PLPPR1: variants seen among roughly 807,000 people sequenced by gnomAD.
The protein encoded by PLPPR1 is phospholipid phosphatase-related protein type 1.
Under a neutral mutation model 33.1 loss-of-function variants are expected in PLPPR1, and 10 were observed. That is an observed-to-expected ratio of 0.30 (90% confidence interval 0.19 to 0.51). PLPPR1 has a LOEUF of 0.51. Ranked by LOEUF, PLPPR1 falls within the 20% of genes least tolerant of loss-of-function variation. The pLI is 0.97. For missense variants in PLPPR1, 304 were observed against 408.1 expected (o/e 0.74, Z 2.20); for synonymous variants, 151 against 151.0 (o/e 1.00, Z 0.00).
At chr9:101,174,480 G>T (rs1296605900) in intron 1 of PLPPR1, among the ~76,000 whole-genome samples, 4 of 152,142 alleles carry the variant, frequency 2.6e-5, no homozygotes, top group African/African-American at 9.7e-5. Flanking sequence ...TGGGCAGAAA[G>T]GCCCAGTAGG....
At chr9:101,039,963 A>G (rs1830057545) in intron 1 of PLPPR1, among the ~76,000 whole-genome samples, 1 of 152,154 alleles carries the variant, frequency 6.6e-6, no homozygotes, top group Non-Finnish European at 1.5e-5. Context: ...CCAGAAGTTG[A>G]AAATATGACT....
chr9:101,069,118 C>G (rs1830453580), intron 1 of PLPPR1, among the ~76,000 whole-genome samples: 1 of 132,978 alleles, frequency 7.5e-6, no homozygotes, highest in East Asian at 2.5e-4. Flanking sequence ...AGCAAGAAAA[C>G]AAACCAGCAT....
intron 1 of PLPPR1, among the ~76,000 whole-genome samples, chr9:101,150,617 TTAGCAAAACCTCTAAGTCA>T (rs1831570259): frequency 6.6e-6 from 1 of 152,206 alleles, no homozygotes; most frequent in Non-Finnish European, 1.5e-5. Flanking sequence ...GGTGTGGTTT[TTAGCAAAACCTCTAAGTCA>T]TAGTTGGTTA....
At chr9:101,267,995 A>G (rs1053116306) in intron 2 of PLPPR1, among the ~76,000 whole-genome samples, 7 of 152,142 alleles carry the variant, frequency 4.6e-5, no homozygotes, top group African/African-American at 1.7e-4. Context: ...TCAGCAAACT[A>G]TCGCCAGGAC....
intron 1 of PLPPR1, among the ~76,000 whole-genome samples, chr9:101,093,300 A>G (rs1319774991): frequency 6.6e-6 from 1 of 152,224 alleles, no homozygotes; most frequent in Non-Finnish European, 1.5e-5. Flanking sequence ...ACTCTCAGTT[A>G]TTAATAGGCT....
chr9:101,135,337 A>G (rs142800812), intron 1 of PLPPR1, among the ~76,000 whole-genome samples: 224 of 152,330 alleles, frequency 1.5e-3, no homozygotes, highest in African/African-American at 5.1e-3. Flanking sequence ...TATTAGAGTG[A>G]TGGCTTAGAA....
intron 1 of PLPPR1, among the ~76,000 whole-genome samples, chr9:101,112,830 CTTGT>C (rs529850574): frequency 1.3e-5 from 2 of 152,194 alleles, no homozygotes; most frequent in African/African-American, 4.8e-5. Context: ...GCAGCACTTG[CTTGT>C]TTGTTTGTTT....
intron 1 of PLPPR1, among the ~76,000 whole-genome samples, chr9:101,087,200 T>A (rs1284034056): frequency 4.1e-4 from 61 of 148,764 alleles, no homozygotes; most frequent in African/African-American, 1.4e-3. Flanking sequence ...AAAAATAAAA[T>A]AAAAATAAAA....
intron 1 of PLPPR1, among the ~76,000 whole-genome samples, chr9:101,044,576 A>G (rs1289430433): frequency 1.3e-5 from 2 of 152,200 alleles, no homozygotes; most frequent in East Asian, 3.9e-4. Flanking sequence ...AAATTTTAAA[A>G]TTCTGCACAA....
chr9:101,183,782 A>AG (rs1269777407), intron 1 of PLPPR1, among the ~76,000 whole-genome samples: 2 of 151,598 alleles, frequency 1.3e-5, no homozygotes, highest in African/African-American at 2.4e-5. Context: ...ATGAAAATAG[A>AG]GGGGAATTTT....
At chr9:101,244,135 C>T (rs1422829986) in intron 2 of PLPPR1, among the ~76,000 whole-genome samples, 1 of 151,688 alleles carries the variant, frequency 6.6e-6, no homozygotes, top group Admixed American at 6.6e-5. Context: ...CTGAAAAGTG[C>T]CTAATGAATT....
chr9:101,273,172 C>T (rs1828130093), intron 3 of PLPPR1, among the ~76,000 whole-genome samples: 1 of 152,084 alleles, frequency 6.6e-6, no homozygotes, highest in Non-Finnish European at 1.5e-5. Context: ...AGAATCTGAC[C>T]TCACAATTTT....
intron 1 of PLPPR1, among the ~76,000 whole-genome samples, chr9:101,184,297 T>A (rs1826168040): frequency 6.6e-6 from 1 of 151,838 alleles, no homozygotes; most frequent in South Asian, 2.1e-4. Context: ...GAGAAACTTT[T>A]AATTGACAAG....
At chr9:101,253,854 G>T (rs550142524) in intron 2 of PLPPR1, among the ~76,000 whole-genome samples, 71 of 152,136 alleles carry the variant, frequency 4.7e-4, no homozygotes, top group African/African-American at 1.7e-3. Context: ...TTTATTATAT[G>T]CCCTTAAATA....
intron 1 of PLPPR1, among the ~76,000 whole-genome samples, chr9:101,137,790 G>A (rs1831395314): frequency 6.6e-6 from 1 of 152,182 alleles, no homozygotes; most frequent in African/African-American, 2.4e-5. Flanking sequence ...TTTCCATAAT[G>A]TATTAGGGTT....
intron 2 of PLPPR1, among the ~76,000 whole-genome samples, chr9:101,236,844 C>G (rs996194888): frequency 5.3e-5 from 8 of 151,772 alleles, no homozygotes; most frequent in East Asian, 1.9e-4. Flanking sequence ...ACAAATAGGA[C>G]TTAATTAAAC....
At chr9:101,176,652 T>C (rs1287310097) in intron 1 of PLPPR1, among the ~76,000 whole-genome samples, 1 of 151,936 alleles carries the variant, frequency 6.6e-6, no homozygotes, top group Admixed American at 6.6e-5. Context: ...TCTCTACCCA[T>C]GTATAATAGG....
At chr9:101,078,990 T>C (rs1282944743) in intron 1 of PLPPR1, among the ~76,000 whole-genome samples, 3 of 152,222 alleles carry the variant, frequency 2.0e-5, no homozygotes, top group Admixed American at 6.5e-5. Context: ...TATTTAAAAA[T>C]AGTGTTTTGA....
At chr9:101,158,299 T>A (rs1831723453) in intron 1 of PLPPR1, among the ~76,000 whole-genome samples, 1 of 151,926 alleles carries the variant, frequency 6.6e-6, no homozygotes, top group Admixed American at 6.6e-5. Context: ...TGGAAAGAGA[T>A]GAGAGAGGGT....
Sources: allele counts gnomAD v4.1 joint callset (sites outside exome capture counted in the v4.1 genomes callset), GRCh38; gene constraint gnomAD v4.1.1; transcripts MANE v1.5; gene names NCBI Gene and HGNC (gene_info 2026-07-23, HGNC 2026-07-21).